The following NSD1 variants were observed in gnomAD, a reference collection of about 807,000 sequenced individuals.
NSD1 encodes histone-lysine N-methyltransferase, H3 lysine-36 specific.
A neutral mutation model predicts 242.7 loss-of-function variants in NSD1; 26 were observed. The observed-to-expected ratio is 0.11, with a 90% CI of 0.08 to 0.15. The LOEUF (loss-of-function observed/expected upper bound fraction) is 0.15. Among genes scored for constraint, NSD1 ranks in the 10% least tolerant of loss-of-function variants. The pLI, the probability that NSD1 is intolerant of heterozygous loss-of-function variation, is 1.00. For synonymous variants in NSD1, 1,106 were observed against 1,178.1 expected, an observed-to-expected ratio of 0.94 and a Z score of 1.25; for missense variants, 2,495 against 3,272.8, an observed-to-expected ratio of 0.76 and a Z score of 5.80.
intron 5 of NSD1, among the ~76,000 whole-genome samples, chr5:177,235,285 G>A (rs1765356532): frequency 6.6e-6 from 1 of 152,204 alleles, no homozygotes; most frequent in East Asian, 1.9e-4. Flanking sequence ...TTCAGGCTAT[G>A]TGTATAGAAG....
At chr5:177,209,529 A>C (rs1763162321) in intron 4 of NSD1, 107 bp from the exon 5 acceptor site, 5 of 196,330 alleles carry the variant, frequency 2.5e-5, no homozygotes, top group Middle Eastern at 2.1e-3. Context: ...ACTCTGTCTC[A>C]AAAAAAAAAA....
intron 4 of NSD1, among the ~76,000 whole-genome samples, chr5:177,204,713 G>A (rs892874972): frequency 1.3e-5 from 2 of 152,160 alleles, no homozygotes; most frequent in Admixed American, 6.5e-5. Context: ...TTTTTGAAAT[G>A]TAAGTTATTT....
In NSD1 at chr5:177,295,383, A is replaced by G; in HGVS notation, c.8015A>G (p.Lys2672Arg). ...TCTCTTGGAAGAGGGCAAGACCCCA[A>G]ACCAGAGCAAAATACACTTCCAGCT... Reference protein sequence around the residue: ...CWSLGRGQDPKPEQNTLPALN... With the variant: ...CWSLGRGQDPRPEQNTLPALN... Residue 2672 changes from lysine (K) to arginine (R), a missense_variant, in exon 23 of 23, where the codon AAA becomes AGA. Lys to Arg is a conservative substitution (Grantham distance 26). Coordinates refer to ENST00000439151, the MANE Select transcript of NSD1 (RefSeq NM_022455.5). This position sits in a 1 kb window ranked among gnomAD's most constrained non-coding sequence, Gnocchi z 4.3. 1 of 1,614,158 alleles carries G rather than the reference A, an allele frequency of 6.2e-7. No homozygotes were observed.
intron 2 of NSD1, among the ~76,000 whole-genome samples, chr5:177,185,959 T>TTA (rs1761153887): frequency 2.2e-5 from 2 of 91,418 alleles, no homozygotes; most frequent in Non-Finnish European, 3.9e-5. Context: ...AGTTATATAT[T>TTA]TATATATAAC....
At chr5:177,279,295 C>T (rs937992774) in intron 17 of NSD1, among the ~76,000 whole-genome samples, 21 of 152,050 alleles carry the variant, frequency 1.4e-4, no homozygotes, top group East Asian at 7.7e-4. Context: ...GTCAGGAGAT[C>T]GAGACCAGCC....
At chr5:177,217,598 TATA>T (rs1763876415) in intron 5 of NSD1, among the ~76,000 whole-genome samples, 3 of 151,936 alleles carry the variant, frequency 2.0e-5, no homozygotes, top group Admixed American at 2.0e-4. Context: ...TCTTTTTATA[TATA>T]GTCTTTATTA....
At chr5:177,139,921 G>A (rs1448641137) in intron 2 of NSD1, among the ~76,000 whole-genome samples, 2 of 149,194 alleles carry the variant, frequency 1.3e-5, no homozygotes, top group Non-Finnish European at 3.0e-5. Flanking sequence ...TCCAGCCTAG[G>A]CAACAGAGCA....
chr5:177,181,451 G>A (rs1291483989), intron 2 of NSD1, among the ~76,000 whole-genome samples: 1 of 121,072 alleles, frequency 8.3e-6, no homozygotes, highest in Non-Finnish European at 1.7e-5. Context: ...TTTTTGGCAG[G>A]TTCTCACCTT....
At chr5:177,170,715 A>G (rs1188182303) in intron 2 of NSD1, among the ~76,000 whole-genome samples, 1 of 152,106 alleles carries the variant, frequency 6.6e-6, no homozygotes, top group Non-Finnish European at 1.5e-5. Flanking sequence ...TTGGAAGTGT[A>G]CAATTCAGTG....
intron 2 of NSD1, among the ~76,000 whole-genome samples, chr5:177,154,425 C>T (rs181235772): frequency 2.2e-4 from 33 of 152,150 alleles, no homozygotes; most frequent in Admixed American, 1.6e-3. Context: ...AATAGACATT[C>T]GTTAGTTTTT....
At chr5:177,205,475 G>C (rs1762802726) in intron 4 of NSD1, among the ~76,000 whole-genome samples, 1 of 151,414 alleles carries the variant, frequency 6.6e-6, no homozygotes, top group Non-Finnish European at 1.5e-5. Flanking sequence ...ATTTGGCTGA[G>C]AAAAATACCA....
At position 177,143,382 on chromosome 5, in the gene NSD1, T is replaced by A. The variant is rs144994040; in HGVS notation, c.927+7352T>A. On this transcript the variant is annotated intron_variant, in intron 2 of 22. Coordinates refer to ENST00000439151, the MANE Select transcript of NSD1 (RefSeq NM_022455.5). ...TGTTGCACAGGTTCGAGGGCAGTGG[T>A]GCGATCTTGGCTCACTGCAATCTCC... Among the ~76,000 whole-genome samples, 651 of 152,220 alleles carry A rather than the reference T, an allele frequency of 4.3e-3. 3 individuals carry two copies. Among genetic ancestry groups the A allele is most frequent in the African/African-American group, 0.014 (595 of 41,542 alleles).
chr5:177,215,297 CT>C (rs1380011880), intron 5 of NSD1, among the ~76,000 whole-genome samples: 1 of 150,362 alleles, frequency 6.7e-6, no homozygotes, highest in Admixed American at 6.6e-5. Context: ...CTGCCTCAGC[CT>C]TTCAAGTAGC....
rs1756177319 is a variant in NSD1, at chr5:177,134,848, G to A, written c.-17-239G>A. Reference sequence around the variant, plus strand: ...CATCCCAAGTGTCCACCAGTCTACAGAGGAGGAAAAAGAGACGGGCTGTTT... The same window carrying A: ...CATCCCAAGTGTCCACCAGTCTACAAAGGAGGAAAAAGAGACGGGCTGTTT... On this transcript the variant is annotated intron_variant, in intron 1 of 22. Transcript: ENST00000439151. This position sits in a 1 kb window ranked among gnomAD's most constrained non-coding sequence, Gnocchi z 4.2. 2.0e-5 allele frequency among the ~76,000 whole-genome samples: 3 copies of A among 152,312 alleles called. 1 individual carries two copies. The highest frequency in any genetic ancestry group is 6.8e-3 in the Middle Eastern group (2 of 292).
chr5:177,190,966 C>CTTTTTT, intron 2 of NSD1, among the ~76,000 whole-genome samples: 1 of 127,382 alleles, frequency 7.9e-6, no homozygotes, highest in South Asian at 2.5e-4. Context: ...TGCACCCAGC[C>CTTTTTT]TTTTTTTTTT....
chr5:177,239,727 C>A, intron 7 of NSD1, 29 bp from the exon 8 acceptor site: 1 of 1,316,546 alleles, frequency 7.6e-7, no homozygotes, highest in South Asian at 1.2e-5. Flanking sequence ...GTTTCTAAAT[C>A]ATCTAATGTA....
At chr5:177,268,523 G>C (rs1432042407) in intron 15 of NSD1, among the ~76,000 whole-genome samples, 2 of 151,950 alleles carry the variant, frequency 1.3e-5, no homozygotes, top group Non-Finnish European at 2.9e-5. Context: ...AAAGCACAAA[G>C]GATGTAACAT....
At chr5:177,237,987 C>T (rs1765586162) in intron 6 of NSD1, among the ~76,000 whole-genome samples, 1 of 152,192 alleles carries the variant, frequency 6.6e-6, no homozygotes, top group Non-Finnish European at 1.5e-5. Flanking sequence ...TGCTCAGCCC[C>T]TGGCAATTGC....
At position 177,259,829 on chromosome 5, in the gene NSD1, T is replaced by G. The variant is rs76796411; in HGVS notation, c.4967-160T>G. On this transcript the variant is annotated intron_variant, in intron 13 of 22. Transcript: ENST00000439151. ...TTATCACATAGCTCCCATCTGAGTT[T>G]TCTTGATGGATCGAGTGTTTAAGAT... Among the ~76,000 whole-genome samples, 7,414 of 152,340 alleles carry G rather than the reference T, an allele frequency of 0.049. 200 individuals are homozygous for G. Among genetic ancestry groups the G allele is most frequent in the South Asian group, 0.082 (395 of 4,828 alleles).
Sources: allele counts gnomAD v4.1 joint callset (sites outside exome capture counted in the v4.1 genomes callset), GRCh38; gene constraint gnomAD v4.1.1; non-coding constraint Gnocchi (gnomAD v3.1); transcripts MANE v1.5; gene names NCBI Gene and HGNC (gene_info 2026-07-23, HGNC 2026-07-21).